PSG7: variants seen among roughly 807,000 people sequenced by gnomAD.
The protein encoded by PSG7 is pregnancy-specific beta-1-glycoprotein 7.
A neutral mutation model predicts 45.6 loss-of-function variants in PSG7; 57 were observed. That is an observed-to-expected ratio of 1.25 (90% CI 1.01 to 1.56). The LOEUF (loss-of-function observed/expected upper bound fraction) is 1.56. Ranked by LOEUF, PSG7 falls within the 40% of genes most tolerant of loss-of-function variation. The pLI, the probability that PSG7 is intolerant of heterozygous loss-of-function variation, is 0.00. For missense variants in PSG7, 796 were observed against 508.4 expected (o/e 1.57, Z -5.44); for synonymous variants, 298 against 194.4 (o/e 1.53, Z -4.43).
chr19:42,924,906 T>A, intron 5 of PSG7, 82 bp from the exon 6 acceptor site: 2 of 760,978 alleles, frequency 2.6e-6, no homozygotes, highest in Admixed American at 1.7e-5. Context: ...ATTTTCCACA[T>A]AATTTTTCTC....
chr19:42,931,273 C>A (rs192204472), intron 2 of PSG7, among the ~76,000 whole-genome samples: 1 of 151,478 alleles, frequency 6.6e-6, no homozygotes, highest in Non-Finnish European at 1.5e-5. Flanking sequence ...TCTCTTGAGA[C>A]GAAAATGAGG....
intron 2 of PSG7, among the ~76,000 whole-genome samples, chr19:42,935,167 C>T (rs1367949856): frequency 6.6e-6 from 1 of 151,880 alleles, no homozygotes; most frequent in Non-Finnish European, 1.5e-5. Flanking sequence ...GCTGAGTCCC[C>T]CCATCAGACT....
At chr19:42,930,622 C>T (rs1319920625) in intron 2 of PSG7, among the ~76,000 whole-genome samples, 3 of 151,600 alleles carry the variant, frequency 2.0e-5, no homozygotes, top group Non-Finnish European at 1.5e-5. Flanking sequence ...GATATTAGAC[C>T]AATATTTGGG....
At chr19:42,925,091 T>C (rs1972496213) in intron 5 of PSG7, 1 of 515,884 alleles carries the variant, frequency 1.9e-6, no homozygotes, top group Non-Finnish European at 3.4e-6. Context: ...TTATAAGGAA[T>C]CTCAGATTAA....
Position 42,931,041 on chromosome 19 carries a change from G to T in PSG7, c.431-1321C>A, listed in dbSNP as rs539628437. Among the ~76,000 whole-genome samples the T allele has an allele frequency of 1.7e-4, 26 of 151,664 alleles. 1 individual carries two copies. The highest frequency in any genetic ancestry group is 9.7e-4 in the East Asian group (5 of 5,176). ...TTAGCATCACATCAGTGGTCAGAAG[G>T]GTTGAGTTTTGAGCATTTCAGATTG... On this transcript the variant is annotated intron_variant, in intron 2 of 5. Coordinates refer to ENST00000406070, the MANE Select transcript of PSG7 (RefSeq NM_002783.3).
At position 42,933,587 on chromosome 19, in the gene PSG7, C is replaced by T. The variant is rs573266121; in HGVS notation, c.430+1817G>A. On this transcript the variant is annotated intron_variant, in intron 2 of 5. Coordinates refer to ENST00000406070, the MANE Select transcript of PSG7 (RefSeq NM_002783.3). ...GAGGTGGGCCAGGCCACAGTGTTAG[C>T]GGGAAGGGAACAGAACAGTCAGCCT... Among the ~76,000 whole-genome samples the T allele has an allele frequency of 4.7e-5, 7 of 150,080 alleles. No individual in the cohort carries two copies. In the East Asian group the frequency reaches 7.9e-4, roughly 17 times the overall value.
Position 42,929,465 on chromosome 19 carries a change from T to C in PSG7, c.686A>G (p.Asp229Gly). 1 of 1,612,536 alleles carries C rather than the reference T, an allele frequency of 6.2e-7. No homozygotes were observed. Among genetic ancestry groups the C allele is most frequent in the Non-Finnish European group, 8.5e-7 (1 of 1,179,164 alleles). Residue 229 changes from aspartate (D) to glycine (G), a missense_variant, in exon 3 of 6, where the codon GAC becomes GGC. Transcript: ENST00000406070. Reference protein sequence around the residue: ...IRNPVSASRSDPVTLNLLPKL... With the variant: ...IRNPVSASRSGPVTLNLLPKL... Reference sequence around the variant, plus strand: ...ACGGAGGAGATTCAGGGTGACTGGGTCACTGCGGCTGGCACTCACTGGGTT... The same window carrying C: ...ACGGAGGAGATTCAGGGTGACTGGGCCACTGCGGCTGGCACTCACTGGGTT...
At chr19:42,933,307 A>ATATATATATATATATATATTTT (rs56691588) in intron 2 of PSG7, among the ~76,000 whole-genome samples, 1 of 13,506 alleles carries the variant, frequency 7.4e-5, no homozygotes, top group Non-Finnish European at 1.6e-4. Flanking sequence ...ATATATATAT[A>ATATATATATATATATATATTTT]TTTTTTTTTT....
chr19:42,933,291 ATATATATATATATATAT>A lies in PSG7; in HGVS notation c.430+2096_430+2112del, dbSNP rs1418313989. 1.5e-3 allele frequency among the ~76,000 whole-genome samples: 15 copies of A among 9,694 alleles called. 2 individuals are homozygous for A. The highest frequency in any genetic ancestry group is 9.7e-3 in the East Asian group (2 of 206). The allele number at this position is 9,694 out of a possible 152,430, so 6.4% of individuals were successfully genotyped here. ...AATATATATATATATATATATATAT[ATATATATATATATATAT>A]TTTTTTTTTTTTTTGGTGTATGTAT... On this transcript the variant is annotated intron_variant, in intron 2 of 5. Transcript: ENST00000406070.
chr19:42,935,322 G>C, intron 2 of PSG7, 82 bp downstream of exon 2: 5 of 1,553,582 alleles, frequency 3.2e-6, no homozygotes, highest in Non-Finnish European at 4.4e-6. Context: ...CACAGGCACA[G>C]TCCAGGCCTG....
chr19:42,926,843 G>A, intron 3 of PSG7, 127 bp from the exon 4 acceptor site: 1 of 1,474,328 alleles, frequency 6.8e-7, no homozygotes, highest in South Asian at 1.3e-5. Context: ...AATAGCTGGT[G>A]TGTGTGTCAC....
chr19:42,932,868 AT>A (rs1257883969), intron 2 of PSG7, among the ~76,000 whole-genome samples: 2 of 151,390 alleles, frequency 1.3e-5, no homozygotes, highest in Non-Finnish European at 2.9e-5. Context: ...CTCCAGTGTC[AT>A]TTGGCAAGAG....
At chr19:42,927,976 C>A (rs933798252) in intron 3 of PSG7, among the ~76,000 whole-genome samples, 1 of 151,684 alleles carries the variant, frequency 6.6e-6, no homozygotes, top group Non-Finnish European at 1.5e-5. Flanking sequence ...CATCCCAAAT[C>A]TGATAGATTC....
At chr19:42,935,017 G>T (rs12460723) in intron 2 of PSG7, among the ~76,000 whole-genome samples, 10,825 of 151,632 alleles carry the variant, frequency 0.071, 772 homozygotes, top group South Asian at 0.19. Flanking sequence ...GGGGTCTGGG[G>T]TTGAGGCTTC....
rs781984961 is a variant in PSG7, at chr19:42,935,367, G to T, written c.430+37C>A. 7 of 1,609,556 alleles carry T rather than the reference G, an allele frequency of 4.3e-6. No homozygotes were observed. In the East Asian group the frequency reaches 1.3e-4, roughly 31 times the overall value. The stretch of plus-strand genomic sequence containing the variant: ...TGTGTGTGAAGTAGAAATGACCCCT[G>T]CCCCCCAACACCCAGGGACCATGTG... On this transcript the variant is annotated intron_variant, in intron 2 of 5. Transcript: ENST00000406070.
rs1213039990 is a variant in PSG7, at chr19:42,926,435, C to G, written c.988+3G>C. The G allele has an allele frequency of 1.2e-6, 2 of 1,611,206 alleles. No individual in the cohort carries two copies. Among genetic ancestry groups the G allele is most frequent in the African/African-American group, 2.7e-5 (2 of 74,598 alleles). ...GGAAGAAAGGATACTCAAGGATACTCACAGAGGACATTCAGGGTGACTGGG... is the reference window on the plus strand; with the variant it reads ...GGAAGAAAGGATACTCAAGGATACTGACAGAGGACATTCAGGGTGACTGGG... On this transcript the variant is annotated splice_donor_region_variant and intron_variant, in intron 4 of 5. Transcript: ENST00000406070.
rs1568457916 is a variant in PSG7 at position 42,930,493 on chromosome 19, C to T, written c.431-773G>A. Among the ~76,000 whole-genome samples, 5 of 151,666 alleles carry T rather than the reference C, an allele frequency of 3.3e-5. No homozygotes were observed. In the South Asian group the frequency reaches 8.4e-4, roughly 25 times the overall value. On this transcript the variant is annotated intron_variant, in intron 2 of 5. Coordinates refer to ENST00000406070, the MANE Select transcript of PSG7 (RefSeq NM_002783.3). ...TTCCCCTGTAGAGGGCAGGTGAGGA[C>T]CATGTGGATCTTTCTAGAAATACAT...
intron 2 of PSG7, 36 bp from the exon 3 acceptor site, chr19:42,929,756 G>A: frequency 1.3e-6 from 2 of 1,596,676 alleles, no homozygotes; most frequent in Non-Finnish European, 1.7e-6. Context: ...GCCCTGTGTG[G>A]CACCTTTGAC....
rs782225134 is a variant in PSG7 at position 42,935,776 on chromosome 19, G to T, written c.65-7C>A. 1 of 1,605,610 alleles carries T rather than the reference G, an allele frequency of 6.2e-7. No individual in the cohort carries two copies. The highest frequency in any genetic ancestry group is 8.5e-7 in the Non-Finnish European group (1 of 1,176,070). The stretch of plus-strand genomic sequence containing the variant: ...CAGAAGTTTAAAAGTGATGCTAGGA[G>T]GTGGAGAGAGCATCAGTCAATATTG... On this transcript the variant is annotated splice_region_variant and splice_polypyrimidine_tract_variant and intron_variant, in intron 1 of 5. Coordinates refer to ENST00000406070, the MANE Select transcript of PSG7 (RefSeq NM_002783.3).
Sources: allele counts gnomAD v4.1 joint callset (sites outside exome capture counted in the v4.1 genomes callset), GRCh38; gene constraint gnomAD v4.1.1; transcripts MANE v1.5; gene names NCBI Gene and HGNC (gene_info 2026-07-23, HGNC 2026-07-21).